The following GLI2 variants were observed in gnomAD, a reference collection of about 807,000 sequenced individuals.
GLI2 encodes the protein GLI family zinc finger 2, also known as transcription activator GLI2.
Under a neutral mutation model 78.9 loss-of-function variants are expected in GLI2, and 22 were observed. That is an observed-to-expected ratio of 0.28 (90% CI 0.20 to 0.40). GLI2 has a LOEUF of 0.40. GLI2 is among the 10% of genes least tolerant of loss of function. GLI2 has a pLI of 1.00. For missense variants in GLI2, 2,097 were observed against 2,213.2 expected (o/e 0.95, Z 1.05); for synonymous variants, 974 against 963.7 (o/e 1.01, Z -0.20).
chr2:120,972,062 A>G lies in GLI2; in HGVS notation c.1181A>G (p.Gln394Arg). 1 of 1,613,016 alleles carries G rather than the reference A, an allele frequency of 6.2e-7. No homozygotes were observed. The highest frequency in any genetic ancestry group is 8.5e-7 in the Non-Finnish European group (1 of 1,179,874). Reference sequence around the variant, plus strand: ...CCGGCCTCCCCTCTGGCGCTGACGCAGGTAACCTGCTGCCAGCCGCACCAC... The same window carrying G: ...CCGGCCTCCCCTCTGGCGCTGACGCGGGTAACCTGCTGCCAGCCGCACCAC... Reference protein sequence around the residue: ...LRPASPLALTQEQLADLKEDL... With the variant: ...LRPASPLALTREQLADLKEDL... Residue 394 changes from glutamine to arginine, a missense_variant and splice_region_variant, in exon 8 of 14, where the codon CAG becomes CGG. This residue lies in a region of GLI2 where 578 missense variants were observed against 612.0 expected (regional missense o/e 0.94). Transcript: ENST00000361492.
At chr2:120,758,534 C>T (rs1180808298) in intron 1 of GLI2, among the ~76,000 whole-genome samples, 1 of 152,234 alleles carries the variant, frequency 6.6e-6, no homozygotes, top group Non-Finnish European at 1.5e-5. Flanking sequence ...TCAGCCTGCG[C>T]CCCTGGCCTG....
intron 1 of GLI2, among the ~76,000 whole-genome samples, chr2:120,742,222 A>G (rs1163779319): frequency 3.3e-5 from 5 of 152,214 alleles, no homozygotes; most frequent in Non-Finnish European, 7.3e-5. Flanking sequence ...CAGGAAAGGA[A>G]GGGCGGTCCT....
intron 5 of GLI2, among the ~76,000 whole-genome samples, chr2:120,961,202 C>T (rs1404037569): frequency 6.6e-6 from 1 of 152,186 alleles, no homozygotes; most frequent in Non-Finnish European, 1.5e-5. Context: ...GTCATATTGA[C>T]ACTAATTTGG....
chr2:120,873,125 C>T (rs2121987), intron 2 of GLI2, among the ~76,000 whole-genome samples: 6 of 152,212 alleles, frequency 3.9e-5, no homozygotes, highest in Non-Finnish European at 7.3e-5. Context: ...ACCTTTCCAC[C>T]TGAGAATGGA....
chr2:120,950,328 C>A (rs551424042), intron 3 of GLI2, among the ~76,000 whole-genome samples: 1 of 152,346 alleles, frequency 6.6e-6, no homozygotes, highest in East Asian at 1.9e-4. Context: ...GGTGACTTAG[C>A]TGTGGTTTTG....
intron 5 of GLI2, among the ~76,000 whole-genome samples, chr2:120,964,627 T>C (rs1681746102): frequency 1.3e-5 from 2 of 152,188 alleles, no homozygotes; most frequent in South Asian, 4.1e-4. Context: ...ACTGCGCAAG[T>C]AGCAGGCACG....
intron 2 of GLI2, among the ~76,000 whole-genome samples, chr2:120,923,198 TATACAC>T (rs1009977027): frequency 6.7e-6 from 1 of 149,026 alleles, no homozygotes; most frequent in Non-Finnish European, 1.5e-5. Flanking sequence ...CAGCAACACT[TATACAC>T]ATACAGCACA....
intron 1 of GLI2, among the ~76,000 whole-genome samples, chr2:120,770,680 A>T (rs1353452199): frequency 6.6e-6 from 1 of 152,070 alleles, no homozygotes; most frequent in Non-Finnish European, 1.5e-5. Context: ...AACCTCAGGG[A>T]CCCTCAATTT....
At chr2:120,877,553 AC>A (rs1688819727) in intron 2 of GLI2, among the ~76,000 whole-genome samples, 1 of 152,020 alleles carries the variant, frequency 6.6e-6, no homozygotes, top group African/African-American at 2.4e-5. Context: ...TTTTGGGACA[AC>A]CATACTTCTG....
At chr2:120,958,465 G>A (rs1031510328) in intron 5 of GLI2, among the ~76,000 whole-genome samples, 8 of 152,150 alleles carry the variant, frequency 5.3e-5, no homozygotes, top group South Asian at 2.1e-4. Flanking sequence ...CAAGAGTGGC[G>A]TGTCACCCCT....
At chr2:120,956,745 GGCAGCCCTGGTGCCTGCAGGGCCGT>G (rs1194323526) in intron 5 of GLI2, among the ~76,000 whole-genome samples, 1 of 152,048 alleles carries the variant, frequency 6.6e-6, no homozygotes, top group African/African-American at 2.4e-5. Flanking sequence ...GTCCTGCAGG[GGCAGCCCTGGTGCCTGCAGGGCCGT>G]GCAGCCTGTA....
chr2:120,979,386 C>T (rs1361898133), intron 10 of GLI2, among the ~76,000 whole-genome samples: 2 of 152,280 alleles, frequency 1.3e-5, no homozygotes, highest in East Asian at 3.9e-4. Flanking sequence ...ACAGAAACTG[C>T]TGCCCCACAA....
At chr2:120,942,683 T>C (rs1404135326) in intron 3 of GLI2, among the ~76,000 whole-genome samples, 1 of 152,234 alleles carries the variant, frequency 6.6e-6, no homozygotes, top group East Asian at 1.9e-4. Context: ...CTGTCGTAAC[T>C]GTTCAGAGAC....
intron 2 of GLI2, among the ~76,000 whole-genome samples, chr2:120,838,188 C>T (rs1003043463): frequency 1.3e-5 from 2 of 152,084 alleles, no homozygotes; most frequent in African/African-American, 4.8e-5. Context: ...GGGTCTTACA[C>T]ATTTTTTGTT....
At chr2:120,789,033 C>CTTTTTTTT (rs35017068) in intron 1 of GLI2, among the ~76,000 whole-genome samples, 4 of 126,644 alleles carry the variant, frequency 3.2e-5, no homozygotes, top group African/African-American at 9.5e-5. Flanking sequence ...TTCTTTCTTT[C>CTTTTTTTT]TTTTTTTTTT....
chr2:120,901,972 CT>C (rs561460642), intron 2 of GLI2, among the ~76,000 whole-genome samples: 9 of 151,860 alleles, frequency 5.9e-5, no homozygotes, highest in South Asian at 2.1e-4. Flanking sequence ...TTTGTTGTGC[CT>C]TTTTTTTAAT....
At chr2:120,932,880 G>C (rs1178493411) in intron 3 of GLI2, among the ~76,000 whole-genome samples, 11 of 152,198 alleles carry the variant, frequency 7.2e-5, no homozygotes, top group Admixed American at 5.9e-4. Flanking sequence ...CACAGAAGGT[G>C]GGGGATGGGG....
intron 2 of GLI2, among the ~76,000 whole-genome samples, chr2:120,899,406 TACACACAC>T (rs71398006): frequency 1.7e-4 from 25 of 146,560 alleles, no homozygotes; most frequent in Admixed American, 8.7e-4. Flanking sequence ...TACACACACA[TACACACAC>T]ACACACACAC....
chr2:120,748,123 T>C (rs17389883), intron 1 of GLI2, among the ~76,000 whole-genome samples: 4,972 of 152,326 alleles, frequency 0.033, 134 homozygotes, highest in Middle Eastern at 0.048. Flanking sequence ...AGGAAAGGCA[T>C]GATCTGGAAA....
Sources: gnomAD v4.1 joint callset for allele counts (sites outside exome capture counted in the v4.1 genomes callset) on GRCh38, gnomAD v4.1.1 for gene constraint, gnomAD v4.1.1 regional missense constraint, MANE v1.5 for transcripts, NCBI Gene and HGNC (gene_info 2026-07-23, HGNC 2026-07-21) for gene names.